Variants in AGTPBP1 observed in about 807,000 individuals in gnomAD.
The protein encoded by AGTPBP1 is ATP/GTP binding carboxypeptidase 1, also known as cytosolic carboxypeptidase 1.
A neutral mutation model predicts 143.9 loss-of-function variants in AGTPBP1; 70 were observed. The observed-to-expected ratio is 0.49, with a 90% confidence interval of 0.40 to 0.59. The LOEUF (loss-of-function observed/expected upper bound fraction) is 0.59, where lower values mean the gene tolerates loss of function less well. Among genes scored for constraint, AGTPBP1 ranks in the 20% least tolerant of loss-of-function variants. The pLI is 0.00. For missense variants in AGTPBP1, 1,229 were observed against 1,464.5 expected, an observed-to-expected ratio of 0.84 and a Z score of 2.62; for synonymous variants, 463 against 500.2, an observed-to-expected ratio of 0.93 and a Z score of 0.99.
chr9:85,646,262 G>T, intron 12 of AGTPBP1, 59 bp downstream of exon 12: 2 of 1,207,700 alleles, frequency 1.7e-6, no homozygotes, highest in South Asian at 2.6e-5. Context: ...CCCAATTTTT[G>T]TTTTACAACT....
At chr9:85,773,375 C>G in the AGTPBP1 span, among the ~76,000 whole-genome samples, 1 of 132,240 alleles carries the variant, frequency 7.6e-6, no homozygotes, top group Non-Finnish European at 1.6e-5. Flanking sequence ...CTCTTGCACC[C>G]AGGCTGGAGT....
intron 1 of AGTPBP1, among the ~76,000 whole-genome samples, chr9:85,725,843 C>T (rs553225099): frequency 3.2e-4 from 49 of 151,808 alleles, no homozygotes; most frequent in African/African-American, 1.1e-3. Context: ...GTCAGGAGTT[C>T]GAGACCAGCC....
Position 85,633,078 on chromosome 9 carries a change from G to A in AGTPBP1, c.1599C>T (p.Ala533=). The change falls in exon 14 of 26, where the codon GCC becomes GCT. Residue 533 remains alanine, a synonymous_variant. Coordinates refer to ENST00000357081, the MANE Select transcript of AGTPBP1 (RefSeq NM_001330701.2). ...VHGLNNDIVK[A]LDRITLQNIP... ...TATTCTGCAATGTAATTCGGTCCAA[G>A]GCCTTTACAATATCATTGTTTAAAC... 1.2e-6 allele frequency: 2 copies of A among 1,614,090 alleles called. No individual in the cohort carries two copies. The highest frequency in any genetic ancestry group is 2.2e-5 in the East Asian group (1 of 44,872).
chr9:85,678,282 A>G, intron 5 of AGTPBP1, 53 bp downstream of exon 5: 4 of 1,244,324 alleles, frequency 3.2e-6, no homozygotes, highest in Non-Finnish European at 4.6e-6. Flanking sequence ...AATACGATAC[A>G]TTGTTGATCA....
At chr9:85,676,181 A>G (rs896753650) in intron 6 of AGTPBP1, among the ~76,000 whole-genome samples, 1 of 152,218 alleles carries the variant, frequency 6.6e-6, no homozygotes, top group African/African-American at 2.4e-5. Context: ...TAGGTAATCA[A>G]AGCAGAAACT....
the AGTPBP1 span, among the ~76,000 whole-genome samples, chr9:85,764,084 A>C: frequency 4.2e-4 from 64 of 152,284 alleles, no homozygotes; most frequent in Non-Finnish European, 7.4e-4. Flanking sequence ...ACAATGTAGA[A>C]TGTAAGCCAA....
At chr9:85,734,678 A>T (rs62570623) in intron 1 of AGTPBP1, among the ~76,000 whole-genome samples, 2,253 of 152,334 alleles carry the variant, frequency 0.015, 24 homozygotes, top group Middle Eastern at 0.037. Flanking sequence ...TGGTGCAGCC[A>T]CTATGAAAAA....
rs1205380644 is a variant in AGTPBP1 at position 85,683,097 on chromosome 9, T to A, written c.158-1762A>T. The stretch of plus-strand genomic sequence containing the variant: ...CTTTCAAAACAGAAACTCCCGTAAG[T>A]GATATGAAGACCTAAAATAATATTC... On this transcript the variant is annotated intron_variant, in intron 3 of 25. Transcript: ENST00000357081. Among the ~76,000 whole-genome samples, 4 of 152,164 alleles carry A rather than the reference T, an allele frequency of 2.6e-5. No individual in the cohort carries two copies. The South Asian group carries it at 6.2e-4, about 24-fold the overall frequency.
chr9:85,583,490 G>C (rs192353349), intron 23 of AGTPBP1, among the ~76,000 whole-genome samples: 15 of 152,206 alleles, frequency 9.9e-5, no homozygotes, highest in African/African-American at 3.6e-4. Context: ...AGGTGTGTGT[G>C]TAACACCTGT....
the AGTPBP1 span, chr9:85,756,346 T>A: frequency 1.5e-6 from 2 of 1,318,910 alleles, no homozygotes; most frequent in South Asian, 4.2e-5. Flanking sequence ...AAGAAATGTG[T>A]GGGAGGAGGT....
chr9:85,612,204 T>C (rs1830355998), intron 17 of AGTPBP1, among the ~76,000 whole-genome samples: 2 of 152,138 alleles, frequency 1.3e-5, no homozygotes, highest in South Asian at 4.1e-4. Context: ...AGGCAGCTCT[T>C]GGTGTACTCT....
intron 13 of AGTPBP1, among the ~76,000 whole-genome samples, chr9:85,639,935 TC>T (rs1832357788): frequency 6.6e-6 from 1 of 152,236 alleles, no homozygotes; most frequent in Non-Finnish European, 1.5e-5. Context: ...TCATTTTCCT[TC>T]CATCTGGCCA....
intron 3 of AGTPBP1, among the ~76,000 whole-genome samples, chr9:85,684,632 T>G (rs1240729530): frequency 6.6e-6 from 1 of 152,140 alleles, no homozygotes; most frequent in Non-Finnish European, 1.5e-5. Context: ...TACTGCAATC[T>G]TCCACCTAAT....
intron 18 of AGTPBP1, 63 bp downstream of exon 18, chr9:85,596,299 C>A: frequency 9.0e-7 from 1 of 1,113,930 alleles, no homozygotes; most frequent in South Asian, 1.4e-5. Flanking sequence ...TACACTGAAA[C>A]AGGATGTACT....
At chr9:85,662,267 TTTTA>T (rs1833893130) in intron 8 of AGTPBP1, among the ~76,000 whole-genome samples, 1 of 152,180 alleles carries the variant, frequency 6.6e-6, no homozygotes, top group Admixed American at 6.6e-5. Flanking sequence ...ATGGCTACAC[TTTTA>T]TTTATTGACA....
At chr9:85,751,795 C>CG in the AGTPBP1 span, among the ~76,000 whole-genome samples, 2 of 151,724 alleles carry the variant, frequency 1.3e-5, no homozygotes, top group Non-Finnish European at 2.9e-5. Flanking sequence ...TTAGTAGAGA[C>CG]GGGGTTTCCC....
chr9:85,651,335 C>T (rs1279720697), intron 11 of AGTPBP1, among the ~76,000 whole-genome samples: 1 of 151,980 alleles, frequency 6.6e-6, no homozygotes, highest in South Asian at 2.1e-4. Flanking sequence ...TTACATTTGG[C>T]GAATATACAT....
At chr9:85,596,696 T>C (rs1324030675) in intron 17 of AGTPBP1, among the ~76,000 whole-genome samples, 1 of 152,182 alleles carries the variant, frequency 6.6e-6, no homozygotes, top group Non-Finnish European at 1.5e-5. Flanking sequence ...AACTCTTTTC[T>C]ATTAAACTTT....
intron 1 of AGTPBP1, among the ~76,000 whole-genome samples, chr9:85,720,687 A>T (rs1838048737): frequency 6.6e-6 from 1 of 150,984 alleles, no homozygotes; most frequent in East Asian, 2.0e-4. Flanking sequence ...AATCTTAGTT[A>T]TTTCTTGCCT....
Sources: allele counts gnomAD v4.1 joint callset (sites outside exome capture counted in the v4.1 genomes callset), GRCh38; gene constraint gnomAD v4.1.1; transcripts MANE v1.5; gene names NCBI Gene and HGNC (gene_info 2026-07-23, HGNC 2026-07-21).